ADAM22: variants seen among roughly 807,000 people sequenced by gnomAD.
ADAM22 encodes ADAM metallopeptidase domain 22.
A neutral mutation model predicts 144.6 loss-of-function variants in ADAM22; 65 were observed. The observed-to-expected ratio is 0.45, with a 90% CI of 0.37 to 0.55. The LOEUF is 0.55. Ranked by LOEUF, ADAM22 falls within the 20% of genes least tolerant of loss-of-function variation. The probability of loss-of-function intolerance (pLI) is 0.00; values close to 1 mark genes in which losing one functional copy is unlikely to be tolerated. For missense variants in ADAM22, 974 were observed against 1,184.9 expected, an observed-to-expected ratio of 0.82 and a Z score of 2.61; for synonymous variants, 391 against 412.6, an observed-to-expected ratio of 0.95 and a Z score of 0.63.
In ADAM22 at chr7:88,093,136, C is replaced by G. The variant is rs146122638; in HGVS notation, c.391-15040C>G. On this transcript the variant is annotated intron_variant, in intron 4 of 31. Transcript: ENST00000413139. ...TATAATAGAATTTACTATTTTAATTCTAATTATAGAACTAACCTTTTCATT... is the reference window on the plus strand; with the variant it reads ...TATAATAGAATTTACTATTTTAATTGTAATTATAGAACTAACCTTTTCATT... Among the ~76,000 whole-genome samples the G allele has an allele frequency of 2.0e-3, 310 of 152,080 alleles. 1 individual carries two copies. Among genetic ancestry groups the G allele is most frequent in the African/African-American group, 7.2e-3 (297 of 41,506 alleles).
chr7:88,113,625 G>A (rs1353975837), intron 5 of ADAM22, among the ~76,000 whole-genome samples: 1 of 133,848 alleles, frequency 7.5e-6, no homozygotes, highest in Non-Finnish European at 1.6e-5. Context: ...TTCTTCCCTA[G>A]AACTTATCAC....
chr7:88,051,017 A>G lies in ADAM22; in HGVS notation c.324-24609A>G, dbSNP rs1806181651. ...GGTCTGACATTTAAGTCTTTAATCC[A>G]TCTTGAATGGCGATCATTAAAAAGT... On this transcript the variant is annotated intron_variant, in intron 3 of 31. Coordinates refer to ENST00000413139, the MANE Select transcript of ADAM22 (RefSeq NM_001324418.2). 2.0e-5 allele frequency among the ~76,000 whole-genome samples: 3 copies of G among 152,204 alleles called. No homozygotes were observed. In the South Asian group the frequency reaches 6.2e-4, roughly 32 times the overall value.
chr7:88,179,247 A>G, intron 27 of ADAM22, 118 bp downstream of exon 27: 1 of 462,772 alleles, frequency 2.2e-6, no homozygotes, highest in South Asian at 2.7e-5. Context: ...TCAGGCCACA[A>G]AATCAAAACA....
At chr7:88,037,174 A>G (rs938405367) in intron 3 of ADAM22, among the ~76,000 whole-genome samples, 4 of 152,128 alleles carry the variant, frequency 2.6e-5, no homozygotes, top group East Asian at 1.9e-4. Context: ...GAAAAATTCT[A>G]AGTAATGGAA....
chr7:87,942,530 AC>A (rs1842678011), intron 2 of ADAM22, among the ~76,000 whole-genome samples: 1 of 152,234 alleles, frequency 6.6e-6, no homozygotes, highest in Admixed American at 6.5e-5. Context: ...CAGATTTCTT[AC>A]ATTTACCCCA....
intron 3 of ADAM22, among the ~76,000 whole-genome samples, chr7:87,987,550 T>G (rs1256130671): frequency 1.3e-5 from 2 of 152,220 alleles, no homozygotes; most frequent in African/African-American, 4.8e-5. Flanking sequence ...CACAGGGAAC[T>G]TTGCCAGGTT....
chr7:88,011,082 G>A (rs543540766), intron 3 of ADAM22, among the ~76,000 whole-genome samples: 1 of 152,260 alleles, frequency 6.6e-6, no homozygotes, highest in African/African-American at 2.4e-5. Flanking sequence ...AAAGCATTCA[G>A]GGCTCTGACC....
intron 21 of ADAM22, among the ~76,000 whole-genome samples, chr7:88,154,274 C>T (rs567029590): frequency 3.9e-5 from 6 of 152,168 alleles, no homozygotes; most frequent in Admixed American, 6.5e-5. Context: ...TAGCTTGGCA[C>T]TGCACCTATT....
At chr7:88,081,318 T>C (rs1164344765) in intron 4 of ADAM22, among the ~76,000 whole-genome samples, 1 of 152,036 alleles carries the variant, frequency 6.6e-6, no homozygotes, top group Non-Finnish European at 1.5e-5. Context: ...TCTCAATAAA[T>C]TAGGTATTGA....
At chr7:88,135,536 G>A (rs952794961) in intron 13 of ADAM22, among the ~76,000 whole-genome samples, 1 of 151,992 alleles carries the variant, frequency 6.6e-6, no homozygotes, top group African/African-American at 2.4e-5. Context: ...AAACCCTTCT[G>A]CCTAACCAAT....
intron 15 of ADAM22, among the ~76,000 whole-genome samples, chr7:88,143,866 C>T (rs151232119): frequency 2.6e-5 from 4 of 152,244 alleles, no homozygotes; most frequent in East Asian, 3.9e-4. Flanking sequence ...TACTGAATTG[C>T]GAAGCAAATT....
intron 4 of ADAM22, among the ~76,000 whole-genome samples, chr7:88,088,821 C>A (rs1563192167): frequency 1.3e-5 from 2 of 152,240 alleles, no homozygotes; most frequent in South Asian, 4.1e-4. Flanking sequence ...CAACAACAAT[C>A]CAAAATTATA....
chr7:87,934,917 G>C, intron 1 of ADAM22, 109 bp from the exon 2 acceptor site: 1 of 1,482,394 alleles, frequency 6.7e-7, no homozygotes, highest in African/African-American at 1.4e-5. Flanking sequence ...AGGGGGCGGT[G>C]GGGATTTTCG....
intron 3 of ADAM22, among the ~76,000 whole-genome samples, chr7:88,044,424 A>G (rs186263028): frequency 8.6e-4 from 131 of 152,260 alleles, no homozygotes; most frequent in African/African-American, 2.9e-3. Flanking sequence ...ATTTGGAGAA[A>G]TTTATTAAAT....
rs1466054137 is a variant in ADAM22 at position 88,171,549 on chromosome 7, A to G, written c.2288A>G (p.Tyr763Cys). Residue 763 changes from tyrosine (Y) to cysteine (C), a missense_variant, in exon 26 of 32, where the codon TAT (tyrosine) becomes TGT (cysteine). Tyr to Cys is a radical substitution (Grantham distance 194). Around this residue, in one of 2 missense-constraint regions of ADAM22, gnomAD observed 734 missense variants for 950.6 expected, o/e 0.77. Coordinates refer to ENST00000413139, the MANE Select transcript of ADAM22 (RefSeq NM_001324418.2). ...LGITAWGYKNYREQRQLPQGD... is the reference protein window; with the variant it reads ...LGITAWGYKNCREQRQLPQGD... ...CTCTTCTTGTCCATGAAAAGAAACTATCGAGAACAGAGGTATGTAATACAA... is the reference window on the plus strand; with the variant it reads ...CTCTTCTTGTCCATGAAAAGAAACTGTCGAGAACAGAGGTATGTAATACAA... 5.6e-6 allele frequency: 9 copies of G among 1,593,764 alleles called. No individual in the cohort carries two copies. Among genetic ancestry groups the G allele is most frequent in the Non-Finnish European group, 6.0e-6 (7 of 1,172,412 alleles).
At chr7:88,046,502 T>A (rs1249345303) in intron 3 of ADAM22, among the ~76,000 whole-genome samples, 1 of 152,228 alleles carries the variant, frequency 6.6e-6, no homozygotes, top group Non-Finnish European at 1.5e-5. Context: ...TCAGAAATAT[T>A]TGCCCCCATT....
rs71120012 is a variant in ADAM22, at chr7:87,966,721, GTTT to G, written c.247-11586_247-11584del. The stretch of plus-strand genomic sequence containing the variant: ...GAGTTCATCTTATCCAAGGAAAGCC[GTTT>G]TTTTTTTTTTTTTTTTTTTTTTTTT... On this transcript the variant is annotated intron_variant, in intron 2 of 31. Coordinates refer to ENST00000413139, the MANE Select transcript of ADAM22 (RefSeq NM_001324418.2). Among the ~76,000 whole-genome samples the G allele has an allele frequency of 3.4e-3, 137 of 39,892 alleles. 2 individuals carry two copies. The highest frequency in any genetic ancestry group is 0.014 in the African/African-American group (126 of 8,726). 26.2% of individuals were successfully genotyped at this position (39,892 alleles called of 152,430 possible).
intron 4 of ADAM22, among the ~76,000 whole-genome samples, chr7:88,094,748 T>G (rs1820805079): frequency 6.6e-6 from 1 of 152,206 alleles, no homozygotes; most frequent in South Asian, 2.1e-4. Context: ...GCTATTTTCT[T>G]GAAGTCCTGC....
intron 3 of ADAM22, among the ~76,000 whole-genome samples, chr7:88,004,582 G>A (rs1003612707): frequency 2.0e-5 from 3 of 152,224 alleles, no homozygotes; most frequent in Non-Finnish European, 4.4e-5. Flanking sequence ...AAAAGCTTAA[G>A]TAAATTGTGT....
Sources: gnomAD v4.1 joint callset for allele counts (sites outside exome capture counted in the v4.1 genomes callset) on GRCh38, gnomAD v4.1.1 for gene constraint, gnomAD v4.1.1 regional missense constraint, MANE v1.5 for transcripts, NCBI Gene and HGNC (gene_info 2026-07-23, HGNC 2026-07-21) for gene names.